The following CORO1C variants were observed in gnomAD, a reference collection of about 807,000 sequenced individuals.
CORO1C encodes the protein coronin-1C.
CORO1C carries 14 observed loss-of-function variants against 51.2 expected under a neutral mutation model. The observed-to-expected ratio is 0.27, with a 90% confidence interval of 0.18 to 0.43. CORO1C has a LOEUF of 0.43. Among genes scored for constraint, CORO1C ranks in the 20% least tolerant of loss-of-function variants. The pLI is 1.00. For missense variants in CORO1C, 417 were observed against 607.8 expected (o/e 0.69, Z 3.30); for synonymous variants, 181 against 210.5 (o/e 0.86, Z 1.21).
intron 2 of CORO1C, among the ~76,000 whole-genome samples, chr12:108,698,470 C>T (rs971884208): frequency 6.6e-6 from 1 of 152,198 alleles, no homozygotes; most frequent in Non-Finnish European, 1.5e-5. Context: ...TGCAGTGGCA[C>T]GATCTCAGCT....
intron 1 of CORO1C, among the ~76,000 whole-genome samples, chr12:108,713,539 GA>G (rs1338987889): frequency 6.6e-6 from 1 of 152,174 alleles, no homozygotes; most frequent in Non-Finnish European, 1.5e-5. Context: ...AAGTTTCTAA[GA>G]ATAAAGAGAA....
At chr12:108,720,977 G>C (rs904137772) in intron 1 of CORO1C, among the ~76,000 whole-genome samples, 1 of 152,014 alleles carries the variant, frequency 6.6e-6, no homozygotes, top group Non-Finnish European at 1.5e-5. Flanking sequence ...TATGCACCAG[G>C]CAATATGCTA....
intron 1 of CORO1C, among the ~76,000 whole-genome samples, chr12:108,714,963 T>G (rs1017936089): frequency 2.0e-5 from 3 of 152,144 alleles, no homozygotes; most frequent in Non-Finnish European, 4.4e-5. Context: ...GTGAGCGCAT[T>G]GCAGAGCGTA....
chr12:108,669,197 C>T (rs2136821937), intron 3 of CORO1C, among the ~76,000 whole-genome samples: 1 of 152,254 alleles, frequency 6.6e-6, no homozygotes, highest in Admixed American at 6.5e-5. Flanking sequence ...TAAATCAATG[C>T]CCACAAAATT....
At chr12:108,652,228 A>T (rs1270198279) in intron 8 of CORO1C, 44 bp downstream of exon 8, 1 of 1,580,996 alleles carries the variant, frequency 6.3e-7, no homozygotes, top group Non-Finnish European at 8.7e-7. Context: ...TAATTGTCAC[A>T]CAGTTACACC....
chr12:108,651,430 T>C (rs1386328714), intron 8 of CORO1C, among the ~76,000 whole-genome samples: 1 of 152,202 alleles, frequency 6.6e-6, no homozygotes, highest in Non-Finnish European at 1.5e-5. Flanking sequence ...TTTCTAAAAA[T>C]CAGAAGTAGT....
At chr12:108,676,765 C>A (rs1207892513) in intron 3 of CORO1C, among the ~76,000 whole-genome samples, 2 of 138,466 alleles carry the variant, frequency 1.4e-5, no homozygotes, top group Non-Finnish European at 3.2e-5. Context: ...AAGTGAGACT[C>A]CATCCCAAAA....
At chr12:108,722,048 C>T (rs925711736) in intron 1 of CORO1C, among the ~76,000 whole-genome samples, 5 of 152,192 alleles carry the variant, frequency 3.3e-5, no homozygotes, top group African/African-American at 1.2e-4. Context: ...AGCCTCCTTA[C>T]GTGGGGTCTG....
At chr12:108,730,378 G>A (rs1158133801) in intron 1 of CORO1C, 5 of 152,334 alleles carry the variant, frequency 3.3e-5, no homozygotes, top group Non-Finnish European at 5.9e-5. Context: ...CCCTCCAAGA[G>A]GAAGCCCCTT....
At chr12:108,661,584 T>C (rs994245759) in intron 4 of CORO1C, among the ~76,000 whole-genome samples, 1 of 151,478 alleles carries the variant, frequency 6.6e-6, no homozygotes, top group African/African-American at 2.4e-5. Context: ...ATGTACTAAT[T>C]GTATAGCAGG....
At chr12:108,714,570 G>A (rs1414858671) in intron 1 of CORO1C, among the ~76,000 whole-genome samples, 1 of 151,640 alleles carries the variant, frequency 6.6e-6, no homozygotes, top group Non-Finnish European at 1.5e-5. Flanking sequence ...AGACCAGCCT[G>A]GGCAACATGG....
intron 8 of CORO1C, chr12:108,649,578 G>A (rs2032546664): frequency 6.3e-6 from 1 of 159,224 alleles, no homozygotes. Context: ...AATGTGGAAA[G>A]AGAATGTAAA....
intron 2 of CORO1C, among the ~76,000 whole-genome samples, chr12:108,678,746 C>A (rs1384604688): frequency 6.8e-6 from 1 of 147,764 alleles, no homozygotes; most frequent in African/African-American, 2.5e-5. Context: ...AACCCTAAAC[C>A]TTGGTATTAT....
At chr12:108,728,274 G>A (rs2035636638) in intron 1 of CORO1C, among the ~76,000 whole-genome samples, 1 of 151,552 alleles carries the variant, frequency 6.6e-6, no homozygotes, top group African/African-American at 2.4e-5. Context: ...ACACCCAAAT[G>A]TTCATCAACT....
intron 4 of CORO1C, among the ~76,000 whole-genome samples, chr12:108,659,487 C>T (rs2033166480): frequency 6.6e-6 from 1 of 152,200 alleles, no homozygotes; most frequent in South Asian, 2.1e-4. Flanking sequence ...GAGAGAAGAT[C>T]ATTATTACTT....
intron 3 of CORO1C, among the ~76,000 whole-genome samples, chr12:108,670,209 C>T (rs902966021): frequency 1.3e-5 from 2 of 152,172 alleles, no homozygotes; most frequent in Non-Finnish European, 2.9e-5. Context: ...AACAGCCACA[C>T]GACCTGCATG....
chr12:108,654,705 CT>C (rs1003628138), intron 6 of CORO1C, among the ~76,000 whole-genome samples: 401 of 142,416 alleles, frequency 2.8e-3, no homozygotes, highest in Middle Eastern at 3.6e-3. Flanking sequence ...TTTTCTTTTT[CT>C]TTTTTTTTTT....
At chr12:108,647,545 C>A in intron 10 of CORO1C, 23 bp from the exon 11 acceptor site, 1 of 1,563,742 alleles carries the variant, frequency 6.4e-7, no homozygotes, top group Non-Finnish European at 8.8e-7. Context: ...AAAAAGGAGG[C>A]AGTGATTAAA....
chr12:108,652,042 A>ATT (rs771285904), intron 8 of CORO1C: 1 of 195,706 alleles, frequency 5.1e-6, no homozygotes, highest in Admixed American at 8.8e-5. Context: ...AAAAAGTGAG[A>ATT]TTTTTTTCTT....
Sources: gnomAD v4.1 joint callset for allele counts (sites outside exome capture counted in the v4.1 genomes callset) on GRCh38, gnomAD v4.1.1 for gene constraint, MANE v1.5 for transcripts, NCBI Gene and HGNC (gene_info 2026-07-23, HGNC 2026-07-21) for gene names.